Variants in FAM184A observed in about 807,000 individuals in gnomAD.
FAM184A encodes family with sequence similarity 184 member A.
FAM184A carries 99 observed loss-of-function variants against 143.8 expected under a neutral mutation model. That is an observed-to-expected ratio of 0.69 (90% CI 0.58 to 0.81). The LOEUF is 0.81. FAM184A is among the 40% of genes least tolerant of loss of function. FAM184A has a pLI of 0.00. For missense variants in FAM184A, 1,217 were observed against 1,310.5 expected (o/e 0.93, Z 1.10); for synonymous variants, 427 against 446.4 (o/e 0.96, Z 0.55).
intron 1 of FAM184A, among the ~76,000 whole-genome samples, chr6:119,065,138 C>T (rs2357030): frequency 0.44 from 66,116 of 151,946 alleles, 16,382 homozygotes; most frequent in East Asian, 0.75. Flanking sequence ...CATGGTTGGT[C>T]CATGTAACCA....
chr6:119,113,635 A>AAAG (rs1554197532), intron 1 of FAM184A, among the ~76,000 whole-genome samples: 27,854 of 149,410 alleles, frequency 0.19, 2,736 homozygotes, highest in Non-Finnish European at 0.23. Flanking sequence ...GAGAGAGAGA[A>AAAG]AGAGAGAGAG....
At chr6:119,022,332 T>G (rs1785476628) in intron 3 of FAM184A, among the ~76,000 whole-genome samples, 1 of 152,042 alleles carries the variant, frequency 6.6e-6, no homozygotes, top group South Asian at 2.1e-4. Flanking sequence ...GTGCTGAGAT[T>G]ATAGGTGTAA....
At chr6:119,008,512 A>G (rs895991112) in intron 6 of FAM184A, among the ~76,000 whole-genome samples, 10 of 152,186 alleles carry the variant, frequency 6.6e-5, no homozygotes, top group South Asian at 6.2e-4. Flanking sequence ...CATTGTCACA[A>G]TTTCAGTTCT....
At chr6:119,003,221 A>C (rs750051857) in intron 8 of FAM184A, among the ~76,000 whole-genome samples, 172 bp from the exon 9 acceptor site, 2 of 152,160 alleles carry the variant, frequency 1.3e-5, no homozygotes, top group Admixed American at 1.3e-4. Flanking sequence ...ACTTACCCCA[A>C]TATCACTCAT....
Position 118,962,959 on chromosome 6 carries a change from G to A in FAM184A, c.3139-996C>T, listed in dbSNP as rs115160865. On this transcript the variant is annotated intron_variant, in intron 16 of 17. Transcript: ENST00000338891. ...AAAAAATGCAATTAATATACAAGAT[G>A]GAACTTTTATTTTTATTTATCTCAT... 2.5e-3 allele frequency: 380 copies of A among 151,982 alleles called. 3 individuals are homozygous for A. Among genetic ancestry groups the A allele is most frequent in the African/African-American group, 9.0e-3 (373 of 41,494 alleles). 9.4% of individuals were successfully genotyped at this position (151,982 alleles called of 1,614,324 possible). A position where few individuals can be genotyped will look rare whatever the true frequency, so the allele number is the denominator to read the frequency against.
chr6:118,963,335 T>C (rs183638431), intron 16 of FAM184A: 2 of 152,196 alleles, frequency 1.3e-5, no homozygotes, highest in African/African-American at 2.4e-5. Context: ...TATCTTTTTT[T>C]CCACAAACCT....
At chr6:119,038,797 G>C (rs921059289) in intron 1 of FAM184A, among the ~76,000 whole-genome samples, 1 of 152,090 alleles carries the variant, frequency 6.6e-6, no homozygotes, top group African/African-American at 2.4e-5. Context: ...CCCTCTCTTG[G>C]GGTCTGGATC....
intron 1 of FAM184A, among the ~76,000 whole-genome samples, chr6:119,050,242 G>T (rs1405020431): frequency 6.6e-6 from 1 of 152,158 alleles, no homozygotes; most frequent in East Asian, 1.9e-4. Flanking sequence ...GTGTTAATTA[G>T]TTCAACCATT....
At chr6:119,025,234 T>A (rs560983194) in intron 1 of FAM184A, among the ~76,000 whole-genome samples, 5 of 152,296 alleles carry the variant, frequency 3.3e-5, no homozygotes, top group African/African-American at 1.2e-4. Context: ...ATTGGTGTCC[T>A]AGAGATACGA....
intron 7 of FAM184A, 92 bp downstream of exon 7, chr6:119,006,355 T>C: frequency 8.5e-7 from 1 of 1,177,470 alleles, no homozygotes; most frequent in South Asian, 1.4e-5. Context: ...ACTAATTATA[T>C]ACAATGTGCT....
In FAM184A at chr6:118,980,127, A is replaced by G; in HGVS notation, c.2301+11T>C. Reference sequence around the variant, plus strand: ...TGGGTTACATTTGAACGTATGTCACATAAAACTTACTCTTTGCTCCTTTTC... The same window carrying G: ...TGGGTTACATTTGAACGTATGTCACGTAAAACTTACTCTTTGCTCCTTTTC... On this transcript the variant is annotated intron_variant, in intron 10 of 17. Transcript: ENST00000338891. 1 of 1,610,688 alleles carries G rather than the reference A, an allele frequency of 6.2e-7. No homozygotes were observed. The highest frequency in any genetic ancestry group is 1.1e-5 in the South Asian group (1 of 90,986).
intron 9 of FAM184A, among the ~76,000 whole-genome samples, chr6:118,985,327 C>T (rs901415035): frequency 2.0e-4 from 30 of 152,226 alleles, no homozygotes; most frequent in Admixed American, 2.6e-4. Flanking sequence ...GAGAAACAAA[C>T]ACCACTTCAA....
chr6:119,061,852 A>G (rs1456145490), intron 1 of FAM184A, among the ~76,000 whole-genome samples: 2 of 152,160 alleles, frequency 1.3e-5, no homozygotes, highest in South Asian at 2.1e-4. Flanking sequence ...ACTAAACACT[A>G]TATGTATCAA....
At chr6:119,148,215 G>A (rs1772519302) in intron 1 of FAM184A, among the ~76,000 whole-genome samples, 1 of 152,166 alleles carries the variant, frequency 6.6e-6, no homozygotes, top group South Asian at 2.1e-4. Flanking sequence ...TCCTGGGAAG[G>A]AGCCCAGGCA....
chr6:119,118,821 A>C (rs1225161694), intron 1 of FAM184A, among the ~76,000 whole-genome samples: 4 of 152,206 alleles, frequency 2.6e-5, no homozygotes, highest in African/African-American at 9.7e-5. Context: ...TGAAAAAAAA[A>C]CAAGATAACA....
chr6:119,089,517 G>T (rs910279967), intron 1 of FAM184A, among the ~76,000 whole-genome samples: 32 of 152,120 alleles, frequency 2.1e-4, no homozygotes, highest in Admixed American at 1.8e-3. Context: ...TGCCCAGGCT[G>T]GTCCTGAACT....
chr6:119,110,057 G>T lies in FAM184A; in HGVS notation c.-202+39021C>A, dbSNP rs1021803321. Among the ~76,000 whole-genome samples the T allele has an allele frequency of 2.0e-5, 3 of 152,140 alleles. No homozygotes were observed. In the East Asian group the frequency reaches 5.8e-4, roughly 29 times the overall value. ...GCTGCTTCACCTAACATAAGTCTAA[G>T]TATCGTGCTTTAACTCAATAAGGAA... On this transcript the variant is annotated intron_variant, in intron 1 of 16. Coordinates refer to the FAM184A transcript ENST00000352896.
intron 14 of FAM184A, 63 bp from the exon 15 acceptor site, chr6:118,967,015 C>A: frequency 1.3e-6 from 1 of 767,014 alleles, no homozygotes. Context: ...GTAATACCTA[C>A]ATTAAAAAAA....
chr6:119,050,458 T>C (rs1786709285), intron 1 of FAM184A, among the ~76,000 whole-genome samples: 2 of 151,812 alleles, frequency 1.3e-5, no homozygotes, highest in South Asian at 4.2e-4. Context: ...TTGGGTTTTT[T>C]TTTTAAAAAA....
Sources: allele counts gnomAD v4.1 joint callset (sites outside exome capture counted in the v4.1 genomes callset), GRCh38; gene constraint gnomAD v4.1.1; transcripts MANE v1.5; gene names NCBI Gene and HGNC (gene_info 2026-07-23, HGNC 2026-07-21).